PAPPA: variants seen among roughly 807,000 people sequenced by gnomAD.
PAPPA encodes the protein pappalysin 1.
PAPPA carries 60 observed loss-of-function variants against 164.0 expected under a neutral mutation model. The ratio of observed to expected loss-of-function variants is 0.37; its 90% CI spans 0.30 to 0.45. The LOEUF is 0.45. Among genes scored for constraint, PAPPA ranks in the 20% least tolerant of loss-of-function variants. PAPPA has a pLI of 1.00. For synonymous variants in PAPPA, 875 were observed against 814.1 expected, an observed-to-expected ratio of 1.07 and a Z score of -1.27; for missense variants, 1,782 against 2,087.3, an observed-to-expected ratio of 0.85 and a Z score of 2.85.
chr9:116,260,890 T>C (rs1844993479), intron 7 of PAPPA, among the ~76,000 whole-genome samples: 1 of 152,228 alleles, frequency 6.6e-6, no homozygotes, highest in Non-Finnish European at 1.5e-5. Context: ...ATCTTTCAAC[T>C]GGTCTTTGTA....
chr9:116,322,039 C>T (rs1845862848), intron 10 of PAPPA, among the ~76,000 whole-genome samples: 2 of 152,130 alleles, frequency 1.3e-5, no homozygotes, highest in African/African-American at 4.8e-5. Flanking sequence ...CCTTATATCT[C>T]AATTGGGGAT....
At chr9:116,379,415 C>T (rs773160676) in intron 20 of PAPPA, among the ~76,000 whole-genome samples, 1 of 152,150 alleles carries the variant, frequency 6.6e-6, no homozygotes, top group Non-Finnish European at 1.5e-5. Flanking sequence ...ACTTGTTCAC[C>T]AAAGCTTCAC....
intron 1 of PAPPA, among the ~76,000 whole-genome samples, chr9:116,184,559 C>T (rs561060130): frequency 5.9e-5 from 9 of 152,178 alleles, no homozygotes; most frequent in African/African-American, 1.2e-4. Flanking sequence ...CCGTTGTATG[C>T]GGAGGATGTC....
intron 2 of PAPPA, among the ~76,000 whole-genome samples, chr9:116,199,723 T>A (rs1036021021): frequency 3.3e-5 from 5 of 152,038 alleles, no homozygotes; most frequent in African/African-American, 9.7e-5. Context: ...GCTGAGTAAT[T>A]TACAAAGGAA....
rs185735084 is a variant in PAPPA at position 116,271,707 on chromosome 9, C to A, written c.2953+291C>A. On this transcript the variant is annotated intron_variant, in intron 9 of 21. Coordinates refer to ENST00000328252, the MANE Select transcript of PAPPA (RefSeq NM_002581.5). This position sits in a 1 kb window ranked among gnomAD's most constrained non-coding sequence, Gnocchi z 4.2. ...TTACCTTACAAACATCCCTGCTTTT[C>A]TTCACACTAACTGTCCAGGATGGGT... is the stretch of plus-strand genomic sequence containing the variant. Among the ~76,000 whole-genome samples the A allele has an allele frequency of 2.0e-5, 3 of 152,296 alleles. No homozygotes were observed. The highest frequency in any genetic ancestry group is 4.4e-5 in the Non-Finnish European group (3 of 68,022).
chr9:116,289,369 G>C (rs796567830), intron 9 of PAPPA, among the ~76,000 whole-genome samples: 137 of 125,618 alleles, frequency 1.1e-3, no homozygotes, highest in East Asian at 2.4e-3. Context: ...CATATATATG[G>C]CATATATATA....
At chr9:116,233,148 T>C (rs976064746) in intron 6 of PAPPA, among the ~76,000 whole-genome samples, 10 of 152,252 alleles carry the variant, frequency 6.6e-5, no homozygotes, top group Non-Finnish European at 1.5e-5. Context: ...ATTTAGCATC[T>C]GCTATGTGAA....
intron 19 of PAPPA, among the ~76,000 whole-genome samples, chr9:116,368,912 T>C (rs948639531): frequency 2.0e-5 from 3 of 152,084 alleles, no homozygotes; most frequent in Admixed American, 2.0e-4. Context: ...GCACTCCGAG[T>C]GTATAGACCT....
chr9:116,300,070 A>C (rs930913431), intron 9 of PAPPA, among the ~76,000 whole-genome samples: 1 of 151,816 alleles, frequency 6.6e-6, no homozygotes, highest in Non-Finnish European at 1.5e-5. Context: ...ATGGCTGGTC[A>C]CTCTTGGATT....
chr9:116,331,465 A>C, intron 11 of PAPPA, 108 bp downstream of exon 11: 2 of 701,940 alleles, frequency 2.8e-6, no homozygotes, highest in Non-Finnish European at 5.1e-6. Context: ...GAGGGTGTTA[A>C]TTGTAAGAAC....
intron 9 of PAPPA, among the ~76,000 whole-genome samples, chr9:116,294,768 A>G (rs552329559): frequency 1.3e-5 from 2 of 152,324 alleles, no homozygotes; most frequent in East Asian, 3.9e-4. Flanking sequence ...TCTCTAAATA[A>G]ACAGCTAAAC....
At chr9:116,338,024 G>A (rs1012718595) in intron 13 of PAPPA, among the ~76,000 whole-genome samples, 4 of 152,112 alleles carry the variant, frequency 2.6e-5, no homozygotes, top group African/African-American at 9.7e-5. Flanking sequence ...TGGTTAATAG[G>A]CTTCTTTAAT....
At chr9:116,216,882 C>T (rs536389741) in intron 4 of PAPPA, among the ~76,000 whole-genome samples, 1 of 152,218 alleles carries the variant, frequency 6.6e-6, no homozygotes, top group African/African-American at 2.4e-5. Flanking sequence ...GCTGGGATTA[C>T]AGGCGTGCAC....
rs1467764631 is a variant in PAPPA at position 116,347,398 on chromosome 9, T to A, written c.3964+189T>A. The stretch of plus-strand genomic sequence containing the variant: ...TGCAGATAAGAAAGAAAAAAGAGTG[T>A]ATGGATAATTATGACAGTGAAGCCC... On this transcript the variant is annotated intron_variant, in intron 15 of 21. Transcript: ENST00000328252. The surrounding 1 kb of genome is among the most constrained non-coding windows in gnomAD (Gnocchi z 4.5). Among the ~76,000 whole-genome samples the A allele has an allele frequency of 6.6e-6, 1 of 152,026 alleles. No homozygotes were observed. Among genetic ancestry groups the A allele is most frequent in the East Asian group, 1.9e-4 (1 of 5,168 alleles).
chr9:116,356,605 A>G (rs1846357673), intron 17 of PAPPA, among the ~76,000 whole-genome samples: 1 of 152,210 alleles, frequency 6.6e-6, no homozygotes, highest in African/African-American at 2.4e-5. Context: ...CCATTTATTA[A>G]ATAGGGAATC....
intron 9 of PAPPA, among the ~76,000 whole-genome samples, chr9:116,283,372 G>T (rs541992275): frequency 7.2e-5 from 11 of 152,230 alleles, no homozygotes; most frequent in African/African-American, 2.4e-4. Context: ...ATAAGACCAG[G>T]TTTGACACTC....
At chr9:116,182,568 C>T (rs1843919537) in intron 1 of PAPPA, among the ~76,000 whole-genome samples, 2 of 152,258 alleles carry the variant, frequency 1.3e-5, no homozygotes, top group South Asian at 2.1e-4. Context: ...TTAGAGAATA[C>T]CCCTAATGCC....
intron 6 of PAPPA, among the ~76,000 whole-genome samples, chr9:116,231,776 T>TTTTTTTTTTTTGG (rs1844599908): frequency 7.0e-6 from 1 of 141,996 alleles, no homozygotes; most frequent in African/African-American, 2.6e-5. Context: ...CTTTTTTTTT[T>TTTTTTTTTTTTGG]TTGAGATGGA....
intron 9 of PAPPA, among the ~76,000 whole-genome samples, chr9:116,284,696 C>G (rs1845311177): frequency 6.6e-6 from 1 of 152,076 alleles, no homozygotes; most frequent in African/African-American, 2.4e-5. Flanking sequence ...CTAATCTCAA[C>G]TGGTGGCGCC....
Sources: gnomAD v4.1 joint callset for allele counts (sites outside exome capture counted in the v4.1 genomes callset) on GRCh38, gnomAD v4.1.1 for gene constraint, Gnocchi (gnomAD v3.1) non-coding constraint, MANE v1.5 for transcripts, NCBI Gene and HGNC (gene_info 2026-07-23, HGNC 2026-07-21) for gene names.